SLC1A1: variants seen among roughly 807,000 people sequenced by gnomAD.
The protein encoded by SLC1A1 is solute carrier family 1 member 1.
SLC1A1 carries 43 observed loss-of-function variants against 53.3 expected under a neutral mutation model. That is an observed-to-expected ratio of 0.81 (90% CI 0.63 to 1.04). The LOEUF is 1.04. SLC1A1 is among the 50% of genes least tolerant of loss of function. SLC1A1 has a pLI of 0.00. For synonymous variants in SLC1A1, 307 were observed against 243.2 expected (o/e 1.26, Z -2.44); for missense variants, 748 against 664.9 (o/e 1.12, Z -1.37).
intron 1 of SLC1A1, among the ~76,000 whole-genome samples, chr9:4,507,275 T>A (rs13289148): frequency 1.3e-5 from 2 of 151,494 alleles, no homozygotes; most frequent in African/African-American, 2.4e-5. Context: ...GTAAACAAAA[T>A]CCTCAAGTGT....
At chr9:4,518,374 T>G (rs1815939853) in intron 1 of SLC1A1, among the ~76,000 whole-genome samples, 1 of 151,784 alleles carries the variant, frequency 6.6e-6, no homozygotes, top group Admixed American at 6.6e-5. Context: ...TTTTGTTTTT[T>G]TTTTGTTTTT....
At chr9:4,550,027 A>C (rs1244200310) in intron 2 of SLC1A1, among the ~76,000 whole-genome samples, 1 of 152,168 alleles carries the variant, frequency 6.6e-6, no homozygotes, top group Non-Finnish European at 1.5e-5. Flanking sequence ...ATGTCAAGCC[A>C]AGCAGATATC....
At chr9:4,530,414 T>C (rs1816423431) in intron 1 of SLC1A1, among the ~76,000 whole-genome samples, 1 of 152,172 alleles carries the variant, frequency 6.6e-6, no homozygotes, top group South Asian at 2.1e-4. Flanking sequence ...GATCCAAGCG[T>C]CCTGGGAGAA....
At chr9:4,539,010 G>T (rs947508629) in intron 1 of SLC1A1, among the ~76,000 whole-genome samples, 1 of 152,104 alleles carries the variant, frequency 6.6e-6, no homozygotes, top group Non-Finnish European at 1.5e-5. Context: ...ATATGTTTTA[G>T]CAATAATTAA....
At position 4,583,880 on chromosome 9, in the gene SLC1A1, T is replaced by TCACACACACACACA. The variant is rs1554691056; in HGVS notation, c.1328+709_1328+710insACACACACACACAC. On this transcript the variant is annotated intron_variant, in intron 11 of 11. Transcript: ENST00000262352. This position sits in a 1 kb window ranked among gnomAD's most constrained non-coding sequence, Gnocchi z 4.6. ...CTCTCTCTCTCTCTCTCTCTCTCTC[T>TCACACACACACACA]CTCACACACACACACACACACACAC... Among the ~76,000 whole-genome samples the TCACACACACACACA allele has an allele frequency of 7.6e-6, 1 of 131,662 alleles. No homozygotes were observed. The highest frequency in any genetic ancestry group is 7.6e-5 in the Admixed American group (1 of 13,142). The allele number at this position is 131,662 out of a possible 152,430, so 86.4% of individuals were successfully genotyped here.
intron 3 of SLC1A1, among the ~76,000 whole-genome samples, chr9:4,562,947 A>T (rs1349267727): frequency 8.1e-6 from 1 of 122,744 alleles, no homozygotes; most frequent in African/African-American, 3.2e-5. Context: ...GAAGGGGAAC[A>T]TCACACTCTG....
At chr9:4,528,865 T>A (rs748298157) in intron 1 of SLC1A1, among the ~76,000 whole-genome samples, 7 of 152,096 alleles carry the variant, frequency 4.6e-5, no homozygotes, top group Non-Finnish European at 8.8e-5. Context: ...TACACACATA[T>A]CCGTGTCTTC....
At chr9:4,544,793 G>T in intron 2 of SLC1A1, 86 bp downstream of exon 2, 1 of 1,159,332 alleles carries the variant, frequency 8.6e-7, no homozygotes, top group Admixed American at 1.8e-5. Flanking sequence ...ATTTATAAAG[G>T]AAAGAGGTTT....
At chr9:4,573,385 G>A (rs889595963) in intron 7 of SLC1A1, among the ~76,000 whole-genome samples, 4 of 152,184 alleles carry the variant, frequency 2.6e-5, no homozygotes, top group Non-Finnish European at 5.9e-5. Flanking sequence ...AGGGATAGGA[G>A]AAGTACATTA....
At chr9:4,530,545 A>T (rs1400058015) in intron 1 of SLC1A1, among the ~76,000 whole-genome samples, 3 of 152,160 alleles carry the variant, frequency 2.0e-5, no homozygotes, top group Non-Finnish European at 2.9e-5. Context: ...CCTTTACCAA[A>T]ATCAACTTTT....
intron 5 of SLC1A1, 74 bp from the exon 6 acceptor site, chr9:4,567,595 C>T: frequency 1.1e-6 from 1 of 906,452 alleles, no homozygotes. Context: ...TAACATGTTC[C>T]TGTGATTTAG....
intron 2 of SLC1A1, among the ~76,000 whole-genome samples, chr9:4,552,359 G>C (rs541814811): frequency 1.3e-3 from 191 of 152,280 alleles, no homozygotes; most frequent in African/African-American, 4.4e-3. Flanking sequence ...TTTGAAGGAA[G>C]CATAGAAATC....
intron 1 of SLC1A1, among the ~76,000 whole-genome samples, chr9:4,520,194 G>A (rs779126893): frequency 1.3e-5 from 2 of 152,166 alleles, no homozygotes; most frequent in Non-Finnish European, 2.9e-5. Flanking sequence ...TCCAGACGGT[G>A]AGACTTTCAG....
chr9:4,546,803 T>G (rs1817532480), intron 2 of SLC1A1, among the ~76,000 whole-genome samples: 1 of 152,196 alleles, frequency 6.6e-6, no homozygotes, highest in African/African-American at 2.4e-5. Context: ...AGCCCAAGAT[T>G]CCTAATTTTT....
At position 4,531,012 on chromosome 9, in the gene SLC1A1, G is replaced by A. The variant is rs141460940; in HGVS notation, c.92-13555G>A. 4.9e-4 allele frequency among the ~76,000 whole-genome samples: 75 copies of A among 152,288 alleles called. 2 individuals are homozygous for A. The East Asian group carries it at 7.4e-3, about 15-fold the overall frequency. ...TTTAATAGTTGGCTGATGGTCCACA[G>A]GCAAGTCCATCCAAACAGCCAAAGT... On this transcript the variant is annotated intron_variant, in intron 1 of 11. Coordinates refer to ENST00000262352, the MANE Select transcript of SLC1A1 (RefSeq NM_004170.6).
At chr9:4,493,257 C>T (rs1820299553) in intron 1 of SLC1A1, among the ~76,000 whole-genome samples, 1 of 152,162 alleles carries the variant, frequency 6.6e-6, no homozygotes, top group African/African-American at 2.4e-5. Flanking sequence ...CCTAGACCAC[C>T]CCCGATATGC....
chr9:4,573,126 C>T (rs889121240), intron 7 of SLC1A1, among the ~76,000 whole-genome samples: 1 of 152,220 alleles, frequency 6.6e-6, no homozygotes, highest in African/African-American at 2.4e-5. Context: ...ATGAAAGCTA[C>T]CATCCGTGAG....
At chr9:4,531,770 C>T (rs1299801074) in intron 1 of SLC1A1, among the ~76,000 whole-genome samples, 2 of 152,156 alleles carry the variant, frequency 1.3e-5, no homozygotes, top group Non-Finnish European at 2.9e-5. Context: ...CAAGTGGGTC[C>T]CTGACCCCCG....
intron 1 of SLC1A1, among the ~76,000 whole-genome samples, chr9:4,541,103 G>T (rs565802929): frequency 6.6e-6 from 1 of 152,292 alleles, no homozygotes; most frequent in Non-Finnish European, 1.5e-5. Flanking sequence ...GGGGGTCCAG[G>T]TACTTAGTTT....
Sources: gnomAD v4.1 joint callset for allele counts (sites outside exome capture counted in the v4.1 genomes callset) on GRCh38, gnomAD v4.1.1 for gene constraint, Gnocchi (gnomAD v3.1) non-coding constraint, MANE v1.5 for transcripts, NCBI Gene and HGNC (gene_info 2026-07-23, HGNC 2026-07-21) for gene names.